CBFB: variants seen among roughly 807,000 people sequenced by gnomAD.
CBFB encodes the protein CBF-beta.
CBFB carries 9 observed loss-of-function variants against 30.4 expected under a neutral mutation model. The observed-to-expected ratio is 0.30, with a 90% CI of 0.18 to 0.52. The LOEUF (loss-of-function observed/expected upper bound fraction) is 0.52, where lower values mean the gene tolerates loss of function less well. CBFB is among the 20% of genes least tolerant of loss of function. CBFB has a pLI of 0.97. For synonymous variants in CBFB, 94 were observed against 84.0 expected (o/e 1.12, Z -0.65); for missense variants, 170 against 244.0 (o/e 0.70, Z 2.02).
In CBFB at chr16:67,100,559, G is replaced by A. The variant is rs975386324; in HGVS notation, c.*1781G>A. The stretch of plus-strand genomic sequence containing the variant: ...TGCCCTAATTTCCCCTGAGGGAATC[G>A]CTTTTTAAGTGATCCTTACAGTGGT... On this transcript the variant is annotated 3_prime_UTR_variant, in exon 6 of 6. Coordinates refer to ENST00000412916, the MANE Select transcript of CBFB (RefSeq NM_022845.3). 10 of 226,390 alleles carry A rather than the reference G, an allele frequency of 4.4e-5. No individual in the cohort carries two copies. Among genetic ancestry groups the A allele is most frequent in the African/African-American group, 1.8e-4 (8 of 44,964 alleles). The allele number at this position is 226,390 out of a possible 1,614,324, so 14.0% of individuals were successfully genotyped here. A position where few individuals can be genotyped will look rare whatever the true frequency, so the allele number is the denominator to read the frequency against.
At chr16:67,055,384 TG>T (rs1960690650) in intron 3 of CBFB, among the ~76,000 whole-genome samples, 4 of 136,748 alleles carry the variant, frequency 2.9e-5, no homozygotes, top group South Asian at 2.2e-4. Flanking sequence ...TTTTTTTTTT[TG>T]AGACGGAGTC....
chr16:67,082,200 T>C lies in CBFB; in HGVS notation c.400-13T>C, dbSNP rs1249276900. 5.2e-6 allele frequency: 8 copies of C among 1,537,852 alleles called. No homozygotes were observed. The highest frequency in any genetic ancestry group is 7.0e-6 in the Non-Finnish European group (8 of 1,136,928). On this transcript the variant is annotated splice_polypyrimidine_tract_variant and intron_variant, in intron 4 of 5. Transcript: ENST00000412916. Reference sequence around the variant, plus strand: ...AATCAAAATTAAAATAGGTATTTCATGTATTCTGACAGCAGGAGGATGCAT... The same window carrying C: ...AATCAAAATTAAAATAGGTATTTCACGTATTCTGACAGCAGGAGGATGCAT...
intron 4 of CBFB, among the ~76,000 whole-genome samples, chr16:67,079,591 G>A (rs1961500139): frequency 8.0e-6 from 1 of 125,182 alleles, no homozygotes; most frequent in Non-Finnish European, 1.6e-5. Flanking sequence ...CATGCTCATT[G>A]TGTGACTGTG....
In CBFB at chr16:67,098,604, T is replaced by C. The variant is rs114854815; in HGVS notation, c.496-106T>C. On this transcript the variant is annotated intron_variant, in intron 5 of 5. Coordinates refer to ENST00000412916, the MANE Select transcript of CBFB (RefSeq NM_022845.3). Reference sequence around the variant, plus strand: ...ATGTGACTATATTGGCTGAAAACTTTTTAGTTATGAAGTTTTTCTGTGTGC... The same window carrying C: ...ATGTGACTATATTGGCTGAAAACTTCTTAGTTATGAAGTTTTTCTGTGTGC... 1.1e-5 allele frequency: 7 copies of C among 635,662 alleles called. No individual in the cohort carries two copies. In the African/African-American group the frequency reaches 1.3e-4, roughly 12 times the overall value. 39.4% of individuals were successfully genotyped at this position (635,662 alleles called of 1,614,324 possible).
chr16:67,082,801 ACTTTTT>A (rs1396373976), intron 5 of CBFB, among the ~76,000 whole-genome samples: 3 of 152,206 alleles, frequency 2.0e-5, no homozygotes, highest in Non-Finnish European at 4.4e-5. Flanking sequence ...ACGGAATTAA[ACTTTTT>A]CTTTTAACCT....
At chr16:67,032,145 A>T (rs998470774) in intron 2 of CBFB, among the ~76,000 whole-genome samples, 11 of 152,192 alleles carry the variant, frequency 7.2e-5, no homozygotes, top group African/African-American at 2.4e-4. Context: ...GTAATATTAT[A>T]GTAGTAGTAC....
chr16:67,082,793 G>A (rs916051594), intron 5 of CBFB, among the ~76,000 whole-genome samples: 4 of 151,960 alleles, frequency 2.6e-5, no homozygotes, highest in Non-Finnish European at 4.4e-5. Flanking sequence ...TTCAAAGAAC[G>A]GAATTAAACT....
chr16:67,070,308 G>A (rs138180032), intron 4 of CBFB, among the ~76,000 whole-genome samples: 1,709 of 152,330 alleles, frequency 0.011, 13 homozygotes, highest in Non-Finnish European at 0.016. Flanking sequence ...GGAGGCTGAA[G>A]CAGGAGGATC....
At chr16:67,074,307 A>G (rs1350310684) in intron 4 of CBFB, among the ~76,000 whole-genome samples, 3 of 152,142 alleles carry the variant, frequency 2.0e-5, no homozygotes, top group African/African-American at 7.2e-5. Context: ...GTGAGGGGAA[A>G]ATATATCAGA....
chr16:67,034,071 G>A (rs960544493), intron 2 of CBFB, among the ~76,000 whole-genome samples: 1 of 151,844 alleles, frequency 6.6e-6, no homozygotes, highest in African/African-American at 2.4e-5. Context: ...TTCGTGATCT[G>A]CCTGTGTTGG....
intron 3 of CBFB, among the ~76,000 whole-genome samples, chr16:67,059,112 C>A (rs1960813986): frequency 6.6e-6 from 1 of 152,138 alleles, no homozygotes; most frequent in Non-Finnish European, 1.5e-5. Flanking sequence ...ATGATCTTTT[C>A]TGTAAGTTAT....
chr16:67,036,595 T>C (rs371628484), intron 2 of CBFB, 44 bp from the exon 3 acceptor site: 76 of 1,056,726 alleles, frequency 7.2e-5, no homozygotes, highest in Non-Finnish European at 1.1e-4. Context: ...ATAATTTATG[T>C]AATGTCCTGC....
chr16:67,033,187 T>C (rs1567602656), intron 2 of CBFB, among the ~76,000 whole-genome samples: 1 of 152,178 alleles, frequency 6.6e-6, no homozygotes, highest in Non-Finnish European at 1.5e-5. Context: ...ATTTTGCATT[T>C]AGATGTGAAA....
chr16:67,040,718 GTGACAGTACCTT>G (rs1966514742), intron 3 of CBFB, among the ~76,000 whole-genome samples: 1 of 152,170 alleles, frequency 6.6e-6, no homozygotes, highest in African/African-American at 2.4e-5. Context: ...AGCTTACAAA[GTGACAGTACCTT>G]TGGGAAAAAG....
intron 4 of CBFB, among the ~76,000 whole-genome samples, chr16:67,072,653 A>G (rs1420681604): frequency 1.3e-5 from 2 of 150,900 alleles, no homozygotes; most frequent in Non-Finnish European, 3.0e-5. Context: ...TTTAGTAGAG[A>G]CGGGGTTTCT....
At chr16:67,051,226 T>C (rs542647791) in intron 3 of CBFB, among the ~76,000 whole-genome samples, 1 of 152,266 alleles carries the variant, frequency 6.6e-6, no homozygotes, top group South Asian at 2.1e-4. Context: ...AAAAGGAACA[T>C]AGGTATAGTA....
intron 3 of CBFB, among the ~76,000 whole-genome samples, chr16:67,060,384 A>G (rs1960874230): frequency 6.6e-6 from 1 of 152,102 alleles, no homozygotes; most frequent in Non-Finnish European, 1.5e-5. Context: ...AACCATCATT[A>G]CCATTTAATT....
At chr16:67,084,322 G>C (rs1961656918) in intron 5 of CBFB, among the ~76,000 whole-genome samples, 1 of 151,844 alleles carries the variant, frequency 6.6e-6, no homozygotes, top group Admixed American at 6.6e-5. Flanking sequence ...AGAAGAAATA[G>C]AAAAAGCACA....
intron 4 of CBFB, among the ~76,000 whole-genome samples, chr16:67,074,949 T>C (rs1006493664): frequency 6.6e-6 from 1 of 152,018 alleles, no homozygotes; most frequent in African/African-American, 2.4e-5. Context: ...TCCCAACACT[T>C]TGGGTGGCCA....
Sources: gnomAD v4.1 joint callset for allele counts (sites outside exome capture counted in the v4.1 genomes callset) on GRCh38, gnomAD v4.1.1 for gene constraint, MANE v1.5 for transcripts, NCBI Gene and HGNC (gene_info 2026-07-23, HGNC 2026-07-21) for gene names.